Variants in ORAI2 observed in about 807,000 individuals in gnomAD.
ORAI2 encodes the protein ORAI calcium release-activated calcium modulator 2.
ORAI2 carries 10 observed loss-of-function variants against 16.2 expected under a neutral mutation model. The ratio of observed to expected loss-of-function variants is 0.62; its 90% CI spans 0.38 to 1.04. ORAI2 has a LOEUF of 1.04. Among genes scored for constraint, ORAI2 ranks in the 50% least tolerant of loss-of-function variants. The probability of loss-of-function intolerance (pLI) is 0.01; values close to 1 mark genes in which losing one functional copy is unlikely to be tolerated. For synonymous variants in ORAI2, 150 were observed against 157.5 expected (o/e 0.95, Z 0.35); for missense variants, 238 against 355.5 (o/e 0.67, Z 2.66).
In ORAI2 at chr7:102,443,134, T is replaced by TTCTTC. The variant is rs1365078690; in HGVS notation, c.226-3378_226-3377insCTTCT. Among the ~76,000 whole-genome samples the TTCTTC allele has an allele frequency of 4.1e-3, 285 of 69,088 alleles. 1 individual carries two copies. Among genetic ancestry groups the TTCTTC allele is most frequent in the African/African-American group, 0.021 (271 of 13,148 alleles). 45.3% of individuals were successfully genotyped at this position (69,088 alleles called of 152,430 possible). On this transcript the variant is annotated intron_variant, in intron 3 of 3. Coordinates refer to ENST00000495936, the MANE Select transcript of ORAI2 (RefSeq NM_001126340.3). ...TCTTCTTCTTCTTCTTCTTCTTCTT[T>TTCTTC]TTTTTTTTTTTAATAGAGATGGGGT...
rs77198822 is a variant in ORAI2 at position 102,452,224 on chromosome 7, A to G, written c.*5172A>G. On this transcript the variant is annotated 3_prime_UTR_variant, in exon 4 of 4. Coordinates refer to ENST00000495936, the MANE Select transcript of ORAI2 (RefSeq NM_001126340.3). Reference sequence around the variant, plus strand: ...TGGCTCACTGCAACCTCCTCCTCCCAGGTTCAAGCGATCTTGTGCCTCAGC... The same window carrying G: ...TGGCTCACTGCAACCTCCTCCTCCCGGGTTCAAGCGATCTTGTGCCTCAGC... The G allele has an allele frequency of 0.12, 18,756 of 151,178 alleles. 2,006 individuals carry two copies. Among genetic ancestry groups the G allele is most frequent in the East Asian group, 0.42 (2,138 of 5,084 alleles). The allele number at this position is 151,178 out of a possible 1,614,324, so 9.4% of individuals were successfully genotyped here.
intron 2 of ORAI2, among the ~76,000 whole-genome samples, chr7:102,436,733 C>T (rs1023997921): frequency 2.0e-5 from 3 of 151,822 alleles, no homozygotes; most frequent in Admixed American, 2.0e-4. Flanking sequence ...TTTTTTGAGA[C>T]GGAATCCTGC....
Position 102,455,216 on chromosome 7 carries a change from AAGAG to A in ORAI2, c.*8166_*8169del, listed in dbSNP as rs1387883867. ...AAGAAAGAAAAAAGAAAGAGAAAGG[AAGAG>A]AAAGAAAGGAAAAGAAAAAGGAAAC... On this transcript the variant is annotated 3_prime_UTR_variant, in exon 4 of 4. Transcript: ENST00000495936. 6.6e-6 allele frequency: 1 copy of A among 152,472 alleles called. No individual in the cohort carries two copies. The highest frequency in any genetic ancestry group is 1.9e-4 in the East Asian group (1 of 5,196). The allele number at this position is 152,472 out of a possible 1,614,324, so 9.4% of individuals were successfully genotyped here.
At chr7:102,434,604 A>G (rs1797014191) in intron 1 of ORAI2, 1 of 152,804 alleles carries the variant, frequency 6.5e-6, no homozygotes, top group African/African-American at 2.4e-5. Flanking sequence ...TTTGGAGGCC[A>G]CCAGGCTCTC....
chr7:102,434,699 G>A (rs1797016364), intron 1 of ORAI2: 1 of 152,764 alleles, frequency 6.5e-6, no homozygotes, highest in Non-Finnish European at 1.5e-5. Context: ...GCAGTGCCCA[G>A]ACCGTTCCAC....
At chr7:102,434,918 C>G (rs1184484600) in intron 1 of ORAI2, 1 of 152,256 alleles carries the variant, frequency 6.6e-6, no homozygotes, top group Non-Finnish European at 1.5e-5. Context: ...TCCCGTCTCT[C>G]GGAATCCTTC....
At chr7:102,435,106 C>T (rs1212583932) in intron 1 of ORAI2, among the ~76,000 whole-genome samples, 1 of 152,056 alleles carries the variant, frequency 6.6e-6, no homozygotes, top group Non-Finnish European at 1.5e-5. Flanking sequence ...CCTGTCTCTA[C>T]CAAAAATACC....
At chr7:102,438,529 G>A (rs1474450041) in intron 2 of ORAI2, among the ~76,000 whole-genome samples, 1 of 150,932 alleles carries the variant, frequency 6.6e-6, no homozygotes, top group Non-Finnish European at 1.5e-5. Flanking sequence ...AATCCCAGCA[G>A]TTTGGGAGGC....
intron 3 of ORAI2, among the ~76,000 whole-genome samples, chr7:102,445,680 A>G (rs1186247087): frequency 3.3e-5 from 5 of 151,130 alleles, no homozygotes; most frequent in African/African-American, 9.7e-5. Flanking sequence ...CAGTGGTGCA[A>G]TCGGGGCTCC....
At chr7:102,436,690 C>T (rs1797067765) in intron 2 of ORAI2, among the ~76,000 whole-genome samples, 1 of 152,052 alleles carries the variant, frequency 6.6e-6, no homozygotes, top group African/African-American at 2.4e-5. Flanking sequence ...ATAGAAGTTA[C>T]TCTTTTCGTT....
intron 3 of ORAI2, among the ~76,000 whole-genome samples, chr7:102,446,106 G>A (rs189301666): frequency 4.4e-4 from 67 of 152,082 alleles, no homozygotes; most frequent in Middle Eastern, 3.4e-3. Flanking sequence ...CTGCCACCAC[G>A]CCCGGCTGCT....
intron 2 of ORAI2, among the ~76,000 whole-genome samples, chr7:102,437,857 C>G (rs113863216): frequency 0.054 from 8,160 of 152,032 alleles, 288 homozygotes; most frequent in Non-Finnish European, 0.076. Context: ...TCAAGACCAG[C>G]CTGGGCAATA....
In ORAI2 at chr7:102,447,114, G is replaced by T; in HGVS notation, c.*62G>T. ...CGGGAGTCCGCAGAGGCGGGGATTTGTCAGATGCAGACATTTTGCAAGGCT... is the reference window on the plus strand; with the variant it reads ...CGGGAGTCCGCAGAGGCGGGGATTTTTCAGATGCAGACATTTTGCAAGGCT... On this transcript the variant is annotated 3_prime_UTR_variant, in exon 4 of 4. Transcript: ENST00000495936. The T allele has an allele frequency of 6.9e-7, 1 of 1,443,508 alleles. No homozygotes were observed. Among genetic ancestry groups the T allele is most frequent in the Non-Finnish European group, 9.1e-7 (1 of 1,101,882 alleles). The allele number at this position is 1,443,508 out of a possible 1,614,324, so 89.4% of individuals were successfully genotyped here.
intron 2 of ORAI2, among the ~76,000 whole-genome samples, chr7:102,436,702 C>CT (rs1293165715): frequency 2.6e-5 from 4 of 151,918 alleles, no homozygotes; most frequent in Non-Finnish European, 4.4e-5. Context: ...CTTTTCGTTT[C>CT]TTTTTTTTCT....
At chr7:102,437,051 C>T (rs527735833) in intron 2 of ORAI2, among the ~76,000 whole-genome samples, 3 of 152,326 alleles carry the variant, frequency 2.0e-5, no homozygotes, top group African/African-American at 4.8e-5. Context: ...GGGACACACG[C>T]GACCGCCAAT....
At position 102,454,603 on chromosome 7, in the gene ORAI2, A is replaced by G. The variant is rs534568670; in HGVS notation, c.*7551A>G. The G allele has an allele frequency of 5.2e-5, 8 of 153,164 alleles. No homozygotes were observed. Among genetic ancestry groups the G allele is most frequent in the African/African-American group, 1.7e-4 (7 of 41,590 alleles). The allele number at this position is 153,164 out of a possible 1,614,324, so 9.5% of individuals were successfully genotyped here. A position where few individuals can be genotyped will look rare whatever the true frequency, so the allele number is the denominator to read the frequency against. On this transcript the variant is annotated 3_prime_UTR_variant, in exon 4 of 4. Transcript: ENST00000495936. Reference sequence around the variant, plus strand: ...AAACAGGCAACGGTGTTTCCTGAACATCTTTCTGAAGCGGCTGAGGGATGT... The same window carrying G: ...AAACAGGCAACGGTGTTTCCTGAACGTCTTTCTGAAGCGGCTGAGGGATGT...
At chr7:102,439,699 G>A (rs932133643) in intron 3 of ORAI2, among the ~76,000 whole-genome samples, 1 of 151,902 alleles carries the variant, frequency 6.6e-6, no homozygotes, top group Non-Finnish European at 1.5e-5. Flanking sequence ...AGGAGGTGGA[G>A]GCCTCAATGA....
rs532323347 is a variant in ORAI2, at chr7:102,452,409, G to A, written c.*5357G>A. 1 of 152,354 alleles carries A rather than the reference G, an allele frequency of 6.6e-6. No individual in the cohort carries two copies. Among genetic ancestry groups the A allele is most frequent in the Admixed American group, 6.5e-5 (1 of 15,268 alleles). The allele number at this position is 152,354 out of a possible 1,614,324, so 9.4% of individuals were successfully genotyped here. ...CTCCCAAAGTGCTGGGATTACAGGT[G>A]TGAGCCAGCTTGCCCAGCTTATGTT... On this transcript the variant is annotated 3_prime_UTR_variant, in exon 4 of 4. Transcript: ENST00000495936.
chr7:102,446,150 T>A (rs1396681621), intron 3 of ORAI2, among the ~76,000 whole-genome samples: 1 of 152,134 alleles, frequency 6.6e-6, no homozygotes, highest in African/African-American at 2.4e-5. Context: ...GGTTTCACCA[T>A]GTTGGCCAGG....
Sources: allele counts gnomAD v4.1 joint callset (sites outside exome capture counted in the v4.1 genomes callset), GRCh38; gene constraint gnomAD v4.1.1; transcripts MANE v1.5; gene names NCBI Gene and HGNC (gene_info 2026-07-23, HGNC 2026-07-21).